KCNQ1: variants seen among roughly 807,000 people sequenced by gnomAD.
KCNQ1 encodes the protein potassium voltage-gated channel subfamily KQT member 1.
Under a neutral mutation model 72.4 loss-of-function variants are expected in KCNQ1, and 49 were observed. The observed-to-expected ratio is 0.68, with a 90% CI of 0.54 to 0.86. The LOEUF is 0.86. Among genes scored for constraint, KCNQ1 ranks in the 40% least tolerant of loss-of-function variants. The pLI is 0.00. For synonymous variants in KCNQ1, 450 were observed against 412.6 expected (o/e 1.09, Z -1.10); for missense variants, 790 against 945.1 (o/e 0.84, Z 2.15).
intron 11 of KCNQ1, chr11:2,666,334 G>A (rs1018040796): frequency 2.5e-6 from 1 of 398,652 alleles, no homozygotes. Flanking sequence ...GTGACTGTGA[G>A]CACCTCCCTG....
chr11:2,643,827 T>C, intron 10 of KCNQ1: 1 of 398,614 alleles, frequency 2.5e-6, no homozygotes, highest in Non-Finnish European at 4.4e-6. Context: ...AAATACTTTA[T>C]TTCTCCTTCA....
chr11:2,698,644 A>G lies in KCNQ1; in HGVS notation c.1514+36563A>G, dbSNP rs1850717838. The G allele has an allele frequency of 2.5e-6, 1 of 398,004 alleles. No homozygotes were observed. Among genetic ancestry groups the G allele is most frequent in the Admixed American group, 4.4e-5 (1 of 22,658 alleles). The allele number at this position is 398,004 out of a possible 1,614,324, so 24.7% of individuals were successfully genotyped here. ...TACCCCACTGAGACCTCTAACCCCAATCCCAATCTCTTAACTCAGAGCCCC... is the reference window on the plus strand; with the variant it reads ...TACCCCACTGAGACCTCTAACCCCAGTCCCAATCTCTTAACTCAGAGCCCC... On this transcript the variant is annotated intron_variant, in intron 11 of 15. Transcript: ENST00000155840. The surrounding 1 kb of genome is among the most constrained non-coding windows in gnomAD (Gnocchi z 5.1).
chr11:2,761,897 G>A (rs955372052), intron 11 of KCNQ1, among the ~76,000 whole-genome samples: 1 of 152,252 alleles, frequency 6.6e-6, no homozygotes, highest in Non-Finnish European at 1.5e-5. Context: ...GGGGAGGCCC[G>A]CAGCAGCTTC....
chr11:2,614,637 T>G, intron 10 of KCNQ1: 1 of 398,526 alleles, frequency 2.5e-6, no homozygotes, highest in Non-Finnish European at 4.4e-6. Flanking sequence ...AAAAGACTAC[T>G]CTTCCCACTG....
rs1848832473 is a variant in KCNQ1 at position 2,603,265 on chromosome 11, C to T, written c.1393+14411C>T. 6.6e-6 allele frequency among the ~76,000 whole-genome samples: 1 copy of T among 152,110 alleles called. No individual in the cohort carries two copies. The highest frequency in any genetic ancestry group is 2.1e-4 in the South Asian group (1 of 4,822). On this transcript the variant is annotated intron_variant, in intron 10 of 15. Coordinates refer to ENST00000155840, the MANE Select transcript of KCNQ1 (RefSeq NM_000218.3). The surrounding 1 kb of genome is among the most constrained non-coding windows in gnomAD (Gnocchi z 4.1). ...GCCCCATGTCTAAGAAAACAATGTG[C>T]CTACCTTAATTGAAAGACACTTTAT...
At chr11:2,744,515 G>A (rs925221390) in intron 11 of KCNQ1, among the ~76,000 whole-genome samples, 5 of 152,196 alleles carry the variant, frequency 3.3e-5, no homozygotes. Flanking sequence ...CACATGAGGT[G>A]GCGTTCCCTC....
Position 2,681,206 on chromosome 11 carries a change from G to A in KCNQ1, c.1514+19125G>A, listed in dbSNP as rs140575225. The A allele has an allele frequency of 6.7e-4, 266 of 398,602 alleles. No homozygotes were observed. Among genetic ancestry groups the A allele is most frequent in the Non-Finnish European group, 1.1e-3 (242 of 226,060 alleles). The allele number at this position is 398,602 out of a possible 1,614,324, so 24.7% of individuals were successfully genotyped here. A position where few individuals can be genotyped will look rare whatever the true frequency, so the allele number is the denominator to read the frequency against. ...AAAAAGTCATTTTTGCAGTGTTTGTGTTCTATGAAGAGTGGGTAGAAGGAA... is the reference window on the plus strand; with the variant it reads ...AAAAAGTCATTTTTGCAGTGTTTGTATTCTATGAAGAGTGGGTAGAAGGAA... On this transcript the variant is annotated intron_variant, in intron 11 of 15. Transcript: ENST00000155840.
intron 1 of KCNQ1, among the ~76,000 whole-genome samples, chr11:2,514,913 G>A (rs1030868606): frequency 1.3e-5 from 2 of 152,204 alleles, no homozygotes; most frequent in African/African-American, 4.8e-5. Flanking sequence ...CCAGTGGGTC[G>A]TGTTGACCTG....
In KCNQ1 at chr11:2,698,774, C is replaced by T. The variant is rs1334277714; in HGVS notation, c.1514+36693C>T. 5.0e-6 allele frequency: 2 copies of T among 398,788 alleles called. No individual in the cohort carries two copies. The highest frequency in any genetic ancestry group is 8.8e-6 in the Non-Finnish European group (2 of 226,164). 24.7% of individuals were successfully genotyped at this position (398,788 alleles called of 1,614,324 possible). ...CAGAGCCATGATGCAGACTCCAGAC[C>T]GGGATTCAGGTCCCCAACTCAGACT... On this transcript the variant is annotated intron_variant, in intron 11 of 15. Coordinates refer to ENST00000155840, the MANE Select transcript of KCNQ1 (RefSeq NM_000218.3). The surrounding 1 kb of genome is among the most constrained non-coding windows in gnomAD (Gnocchi z 5.1).
intron 1 of KCNQ1, among the ~76,000 whole-genome samples, chr11:2,472,787 T>C (rs11604980): frequency 0.78 from 118,076 of 151,886 alleles, 45,953 homozygotes; most frequent in East Asian, 0.79. Context: ...GCCCTGCCAC[T>C]CCAGCTTGTT....
In KCNQ1 at chr11:2,815,213, C is replaced by T. The variant is rs1283541851; in HGVS notation, c.1795-32554C>T. Among the ~76,000 whole-genome samples, 2 of 152,198 alleles carry T rather than the reference C, an allele frequency of 1.3e-5. No homozygotes were observed. Among genetic ancestry groups the T allele is most frequent in the Admixed American group, 6.5e-5 (1 of 15,288 alleles). On this transcript the variant is annotated intron_variant, in intron 15 of 15. Coordinates refer to ENST00000155840, the MANE Select transcript of KCNQ1 (RefSeq NM_000218.3). The surrounding 1 kb of genome is among the most constrained non-coding windows in gnomAD (Gnocchi z 5.4). ...TGGGGTGGCCAGGTCACAGCTTGAACCTGGGCAGCCTTTATTCTCTAGGGG... is the reference window on the plus strand; with the variant it reads ...TGGGGTGGCCAGGTCACAGCTTGAATCTGGGCAGCCTTTATTCTCTAGGGG...
chr11:2,680,652 G>A, intron 11 of KCNQ1: 1 of 398,528 alleles, frequency 2.5e-6, no homozygotes, highest in Non-Finnish European at 4.4e-6. Context: ...TGCATTGATA[G>A]TCTCACTACA....
intron 2 of KCNQ1, among the ~76,000 whole-genome samples, chr11:2,539,886 G>A (rs575690489): frequency 3.9e-5 from 6 of 152,350 alleles, no homozygotes; most frequent in African/African-American, 7.2e-5. Flanking sequence ...GGGAGCCGGC[G>A]GGCCGGGTTG....
intron 6 of KCNQ1, 62 bp downstream of exon 6, chr11:2,573,048 A>T (rs555265126): frequency 6.4e-7 from 1 of 1,570,582 alleles, no homozygotes; most frequent in South Asian, 1.2e-5. Context: ...TGGGCAGGAC[A>T]TCTGGGCACT....
chr11:2,683,900 C>G lies in KCNQ1; in HGVS notation c.1514+21819C>G. On this transcript the variant is annotated intron_variant, in intron 11 of 15. Transcript: ENST00000155840. This position sits in a 1 kb window ranked among gnomAD's most constrained non-coding sequence, Gnocchi z 4.7. Reference sequence around the variant, plus strand: ...TCCAAATCATAAATGCAAAAGATGGCCAAAGGTGCATGCTCTGTGACACGT... The same window carrying G: ...TCCAAATCATAAATGCAAAAGATGGGCAAAGGTGCATGCTCTGTGACACGT... The G allele has an allele frequency of 2.5e-6, 1 of 398,534 alleles. No individual in the cohort carries two copies. Among genetic ancestry groups the G allele is most frequent in the Non-Finnish European group, 4.4e-6 (1 of 226,058 alleles). 24.7% of individuals were successfully genotyped at this position (398,534 alleles called of 1,614,324 possible).
intron 6 of KCNQ1, among the ~76,000 whole-genome samples, chr11:2,583,165 CCCAG>C (rs1463804251): frequency 6.6e-6 from 1 of 152,126 alleles, no homozygotes; most frequent in Non-Finnish European, 1.5e-5. Flanking sequence ...GGCCCACGTT[CCCAG>C]CCAGCAGGCC....
intron 2 of KCNQ1, among the ~76,000 whole-genome samples, chr11:2,569,616 G>C (rs554851635): frequency 5.9e-5 from 9 of 152,312 alleles, no homozygotes; most frequent in South Asian, 4.1e-4. Context: ...CCTCTCACAC[G>C]TGGGGGCTGG....
intron 2 of KCNQ1, among the ~76,000 whole-genome samples, chr11:2,554,611 C>A (rs559759959): frequency 1.4e-4 from 22 of 152,206 alleles, no homozygotes; most frequent in Admixed American, 2.6e-4. Flanking sequence ...TGCAACAGGA[C>A]ACCGTAAGGG....
At position 2,699,484 on chromosome 11, in the gene KCNQ1, C is replaced by G. The variant is rs1000990816; in HGVS notation, c.1514+37403C>G. ...GGGAGAGTGCCGCGCTGAGGAGCCC[C>G]CGGGGAGAGTGCCGCGCTGAGGAGC... On this transcript the variant is annotated intron_variant, in intron 11 of 15. Coordinates refer to ENST00000155840, the MANE Select transcript of KCNQ1 (RefSeq NM_000218.3). 574 of 370,972 alleles carry G rather than the reference C, an allele frequency of 1.5e-3. 1 individual carries two copies. The highest frequency in any genetic ancestry group is 1.4e-3 in the Non-Finnish European group (302 of 214,610). The allele number at this position is 370,972 out of a possible 1,614,324, so 23.0% of individuals were successfully genotyped here.
Sources: allele counts gnomAD v4.1 joint callset (sites outside exome capture counted in the v4.1 genomes callset), GRCh38; gene constraint gnomAD v4.1.1; non-coding constraint Gnocchi (gnomAD v3.1); transcripts MANE v1.5; gene names NCBI Gene and HGNC (gene_info 2026-07-23, HGNC 2026-07-21).